Variants in MEI4 observed in about 807,000 individuals in gnomAD.
The protein encoded by MEI4 is meiosis-specific protein MEI4.
In MEI4, 27 loss-of-function variants were observed where a neutral mutation model predicts 31.4. The observed-to-expected ratio is 0.86, with a 90% confidence interval of 0.63 to 1.19. The LOEUF is 1.19. Among genes scored for constraint, MEI4 ranks in the 50% most tolerant of loss-of-function variants. The pLI is 0.00. For missense variants in MEI4, 329 were observed against 398.9 expected (o/e 0.82, Z 1.49); for synonymous variants, 122 against 145.4 (o/e 0.84, Z 1.16).
chr6:77,678,623 C>T (rs946477004), intron 1 of MEI4, among the ~76,000 whole-genome samples: 5 of 151,514 alleles, frequency 3.3e-5, no homozygotes, highest in African/African-American at 1.2e-4. Context: ...CACAATTATG[C>T]ATGATACATA....
At chr6:77,651,179 G>A (rs1768292170), upstream of MEI4, among the ~76,000 whole-genome samples, 1 of 152,180 alleles carries the variant, frequency 6.6e-6, no homozygotes, top group Non-Finnish European at 1.5e-5. Context: ...TCCCTTTAAG[G>A]AGGGATAAGA....
At chr6:77,890,327 T>C (rs926328028) in intron 4 of MEI4, among the ~76,000 whole-genome samples, 1 of 152,208 alleles carries the variant, frequency 6.6e-6, no homozygotes, top group Non-Finnish European at 1.5e-5. Flanking sequence ...GACCTGAATA[T>C]GAGACATGGA....
In MEI4 at chr6:77,757,099, G is replaced by A. The variant is rs1026995854; in HGVS notation, c.233-4031G>A. 1.5e-3 allele frequency among the ~76,000 whole-genome samples: 225 copies of A among 152,216 alleles called. 2 individuals carry two copies. Among genetic ancestry groups the A allele is most frequent in the Non-Finnish European group, 5.6e-4 (38 of 68,036 alleles). On this transcript the variant is annotated intron_variant, in intron 2 of 4. Coordinates refer to ENST00000684080, the MANE Select transcript of MEI4 (RefSeq NM_001322247.2). ...TTGTTCACTGTGTGGCTCTTTCTCAGTTCTCTTAATCAAGCTGAGCTTCGT... is the reference window on the plus strand; with the variant it reads ...TTGTTCACTGTGTGGCTCTTTCTCAATTCTCTTAATCAAGCTGAGCTTCGT...
At chr6:77,878,661 TTTTC>T (rs567157871) in intron 4 of MEI4, among the ~76,000 whole-genome samples, 374 of 152,234 alleles carry the variant, frequency 2.5e-3, no homozygotes, top group African/African-American at 7.7e-3. Flanking sequence ...TTTCCTTTTG[TTTTC>T]TTTATTTTTT....
chr6:77,742,833 A>G (rs568997361), intron 2 of MEI4, among the ~76,000 whole-genome samples: 3 of 151,990 alleles, frequency 2.0e-5, no homozygotes, highest in Non-Finnish European at 2.9e-5. Context: ...TCAGCTTTCT[A>G]CATATGGCTA....
chr6:77,748,299 C>G (rs1000434152), intron 2 of MEI4, among the ~76,000 whole-genome samples: 1 of 152,226 alleles, frequency 6.6e-6, no homozygotes, highest in Non-Finnish European at 1.5e-5. Flanking sequence ...GACATCCAGG[C>G]ATTTCCATAC....
intron 3 of MEI4, among the ~76,000 whole-genome samples, chr6:77,800,083 G>A (rs1769205267): frequency 1.3e-5 from 2 of 152,000 alleles, no homozygotes; most frequent in African/African-American, 4.8e-5. Context: ...AATTACCTTG[G>A]GCAGTATGGC....
chr6:77,676,306 TTAA>T (rs1228795163), intron 1 of MEI4, among the ~76,000 whole-genome samples: 4 of 151,862 alleles, frequency 2.6e-5, no homozygotes, highest in East Asian at 3.9e-4. Flanking sequence ...ATTATTGTAA[TTAA>T]TAATAATAAT....
chr6:77,744,550 A>T (rs972192610), intron 2 of MEI4, among the ~76,000 whole-genome samples: 1 of 152,204 alleles, frequency 6.6e-6, no homozygotes, highest in African/African-American at 2.4e-5. Flanking sequence ...ACTTTTCAGG[A>T]TATTATCCAG....
rs140000505 is a variant in MEI4, at chr6:77,709,327, G to C, written c.232+18424G>C. Among the ~76,000 whole-genome samples the C allele has an allele frequency of 1.4e-3, 213 of 152,262 alleles. 1 individual carries two copies. Among genetic ancestry groups the C allele is most frequent in the African/African-American group, 4.5e-3 (187 of 41,554 alleles). The stretch of plus-strand genomic sequence containing the variant: ...GAAGAACAAAGATTAGGTTGCATTT[G>C]TGTCCTCTTGTGGTGCTGGATTCCA... On this transcript the variant is annotated intron_variant, in intron 2 of 4. Coordinates refer to ENST00000684080, the MANE Select transcript of MEI4 (RefSeq NM_001322247.2).
intron 1 of MEI4, among the ~76,000 whole-genome samples, chr6:77,677,983 C>CT (rs1392389233): frequency 6.6e-6 from 1 of 152,110 alleles, no homozygotes; most frequent in African/African-American, 2.4e-5. Context: ...AGGTAAAAAT[C>CT]TGAGTATCTT....
chr6:77,833,935 T>C (rs1178465286), intron 4 of MEI4, among the ~76,000 whole-genome samples: 2 of 152,190 alleles, frequency 1.3e-5, no homozygotes, highest in Non-Finnish European at 2.9e-5. Context: ...GGTTTCCAGA[T>C]TCATCCATGT....
At chr6:77,665,568 G>A (rs1010820830) in intron 1 of MEI4, among the ~76,000 whole-genome samples, 1 of 152,160 alleles carries the variant, frequency 6.6e-6, no homozygotes, top group African/African-American at 2.4e-5. Flanking sequence ...TGCTGCTAAG[G>A]GTGAAGGACC....
rs1006860968 is a variant in MEI4 at position 77,923,323 on chromosome 6, C to G, written c.1135C>G (p.Gln379Glu). The G allele has an allele frequency of 2.4e-6, 3 of 1,229,880 alleles. No homozygotes were observed. Among genetic ancestry groups the G allele is most frequent in the Non-Finnish European group, 3.0e-6 (3 of 986,432 alleles). 76.2% of individuals were successfully genotyped at this position (1,229,880 alleles called of 1,614,324 possible). A position where few individuals can be genotyped will look rare whatever the true frequency, so the allele number is the denominator to read the frequency against. Residue 379 changes from glutamine (Q) to glutamate (E), a missense_variant, in exon 5 of 5, where the codon CAG (glutamine) becomes GAG (glutamate). Transcript: ENST00000684080. ...AGTGGGCATTCTTTTGAGCTCAGCA[C>G]AGATAGAAACTCTTAGAAAATAACT... Reference protein sequence around the residue: ...WRVGILLSSAQIETLRK With the variant: ...WRVGILLSSAEIETLRK
intron 2 of MEI4, among the ~76,000 whole-genome samples, chr6:77,751,885 G>A (rs557192664): frequency 3.3e-5 from 5 of 152,152 alleles, no homozygotes; most frequent in South Asian, 2.1e-4. Flanking sequence ...CTGGCAAACC[G>A]AATCCAGCAG....
intron 2 of MEI4, among the ~76,000 whole-genome samples, chr6:77,760,871 T>A (rs1289916251): frequency 6.6e-6 from 1 of 152,186 alleles, no homozygotes; most frequent in Non-Finnish European, 1.5e-5. Context: ...CATGGCATTG[T>A]AATTGAATGA....
At chr6:77,917,980 A>C (rs1347663821) in intron 4 of MEI4, among the ~76,000 whole-genome samples, 5 of 151,666 alleles carry the variant, frequency 3.3e-5, no homozygotes, top group African/African-American at 9.7e-5. Context: ...TCAGCTTTCT[A>C]CATATGGCTA....
intron 3 of MEI4, among the ~76,000 whole-genome samples, chr6:77,769,549 C>T (rs1308092992): frequency 6.6e-6 from 1 of 152,120 alleles, no homozygotes. Flanking sequence ...GCTTGTGTCA[C>T]CCCTCCACCA....
intron 3 of MEI4, among the ~76,000 whole-genome samples, chr6:77,769,697 C>T (rs1005922059): frequency 5.9e-5 from 9 of 152,072 alleles, no homozygotes; most frequent in Non-Finnish European, 1.0e-4. Flanking sequence ...CTCCTAAGGC[C>T]CCCATCCCAG....
Sources: allele counts gnomAD v4.1 joint callset (sites outside exome capture counted in the v4.1 genomes callset), GRCh38; gene constraint gnomAD v4.1.1; transcripts MANE v1.5; gene names NCBI Gene and HGNC (gene_info 2026-07-23, HGNC 2026-07-21).